Variants in RDX observed in about 807,000 individuals in gnomAD.
RDX encodes radixin, also known as deafness, autosomal recessive 24.
In RDX, 32 loss-of-function variants were observed where a neutral mutation model predicts 83.7. The observed-to-expected ratio is 0.38, with a 90% CI of 0.29 to 0.51. RDX has a LOEUF of 0.51. Among genes scored for constraint, RDX ranks in the 20% least tolerant of loss-of-function variants. The pLI, the probability that RDX is intolerant of heterozygous loss-of-function variation, is 0.87. For synonymous variants in RDX, 229 were observed against 222.7 expected (o/e 1.03, Z -0.25); for missense variants, 600 against 689.9 (o/e 0.87, Z 1.46).
chr11:110,202,125 C>T (rs1863432042), intron 14 of RDX, among the ~76,000 whole-genome samples: 1 of 152,038 alleles, frequency 6.6e-6, no homozygotes, highest in African/African-American at 2.4e-5. Flanking sequence ...CAGGCCATGG[C>T]TCACACCTGT....
intron 11 of RDX, 131 bp from the exon 12 acceptor site, chr11:110,236,322 TTTC>T: frequency 1.5e-6 from 1 of 683,318 alleles, no homozygotes; most frequent in East Asian, 2.8e-5. Context: ...AAATACAGTA[TTTC>T]TTAAGATCTT....
intron 5 of RDX, among the ~76,000 whole-genome samples, chr11:110,259,106 T>A (rs1422304568): frequency 6.6e-6 from 1 of 152,068 alleles, no homozygotes; most frequent in Non-Finnish European, 1.5e-5. Flanking sequence ...TGTGTGTTTT[T>A]TTGGTATTTT....
chr11:110,209,160 G>C (rs749350913), intron 14 of RDX, among the ~76,000 whole-genome samples: 1 of 152,162 alleles, frequency 6.6e-6, no homozygotes, highest in Non-Finnish European at 1.5e-5. Flanking sequence ...GCAGGGCGAG[G>C]CATTGCCTCA....
At chr11:110,292,226 G>A (rs1275147590) in intron 1 of RDX, among the ~76,000 whole-genome samples, 1 of 151,824 alleles carries the variant, frequency 6.6e-6, no homozygotes, top group African/African-American at 2.4e-5. Flanking sequence ...CCTGGAGGCA[G>A]AGGCTGTAGT....
chr11:110,186,103 G>T (rs1479620334), intron 15 of RDX, among the ~76,000 whole-genome samples: 1 of 152,224 alleles, frequency 6.6e-6, no homozygotes, highest in African/African-American at 2.4e-5. Flanking sequence ...AATAGAACTT[G>T]ACCAGGACTG....
intron 15 of RDX, among the ~76,000 whole-genome samples, chr11:110,198,165 A>G (rs891601644): frequency 2.6e-5 from 4 of 152,126 alleles, no homozygotes; most frequent in Non-Finnish European, 5.9e-5. Flanking sequence ...CTTTAGCTAG[A>G]AGGAGGTTTA....
downstream of RDX, among the ~76,000 whole-genome samples, chr11:110,224,539 A>G (rs926684986): frequency 5.3e-5 from 8 of 152,224 alleles, no homozygotes; most frequent in African/African-American, 1.9e-4. Flanking sequence ...GTACGAGAGC[A>G]TAAGACTTGG....
chr11:110,242,025 G>T (rs148311307), intron 10 of RDX, among the ~76,000 whole-genome samples: 1 of 152,142 alleles, frequency 6.6e-6, no homozygotes, highest in African/African-American at 2.4e-5. Flanking sequence ...TTGTGGGGAG[G>T]GGGGAAATGG....
At chr11:110,206,507 C>T (rs887058223) in intron 14 of RDX, among the ~76,000 whole-genome samples, 2 of 151,858 alleles carry the variant, frequency 1.3e-5, no homozygotes, top group Admixed American at 6.6e-5. Context: ...TAGATACAAA[C>T]ACAGATAGTA....
chr11:110,210,698 G>T (rs959750679), intron 14 of RDX, among the ~76,000 whole-genome samples: 9 of 151,538 alleles, frequency 5.9e-5, no homozygotes, highest in African/African-American at 2.2e-4. Context: ...CATTCTTAAA[G>T]AAAAGAATTT....
intron 12 of RDX, among the ~76,000 whole-genome samples, chr11:110,234,640 A>G (rs998641162): frequency 2.0e-5 from 3 of 152,198 alleles, no homozygotes; most frequent in Non-Finnish European, 4.4e-5. Context: ...CTAATTTTTT[A>G]AAGTTTATGT....
chr11:110,181,164 C>CTT lies in RDX; in HGVS notation c.*32-5932_*32-5931dup, dbSNP rs34297768. ...CACGCACACCAGCTCAGGGCTGCAT[C>CTT]TTTTTTTTTTTTTTTGAGACGGAGT... On this transcript the variant is annotated intron_variant, in intron 15 of 15. Transcript: ENST00000528498. Among the ~76,000 whole-genome samples the CTT allele has an allele frequency of 1.0e-3, 145 of 143,012 alleles. 1 individual carries two copies. The East Asian group carries it at 0.013, about 12-fold the overall frequency. The allele number at this position is 143,012 out of a possible 152,430, so 93.8% of individuals were successfully genotyped here.
In RDX at chr11:110,178,396, T is replaced by C. The variant is rs547381958; in HGVS notation, c.*32-3162A>G. On this transcript the variant is annotated intron_variant, in intron 15 of 15. Coordinates refer to the RDX transcript ENST00000528498. ...TGATCGATCCAGTTGCTAAGTTACA[T>C]GCCAAAGAAGAGTGTGGGGAGAGAA... is the stretch of plus-strand genomic sequence containing the variant. Among the ~76,000 whole-genome samples the C allele has an allele frequency of 1.1e-3, 172 of 152,300 alleles. 3 individuals carry two copies. The highest frequency in any genetic ancestry group is 6.3e-4 in the Non-Finnish European group (43 of 68,020).
In RDX at chr11:110,229,859, T is replaced by C. The variant is rs1864556776; in HGVS notation, c.*2010A>G. 1.3e-5 allele frequency: 2 copies of C among 152,494 alleles called. No homozygotes were observed. Among genetic ancestry groups the C allele is most frequent in the Non-Finnish European group, 2.9e-5 (2 of 67,948 alleles). The allele number at this position is 152,494 out of a possible 1,614,324, so 9.4% of individuals were successfully genotyped here. On this transcript the variant is annotated 3_prime_UTR_variant, in exon 14 of 14. Coordinates refer to ENST00000645495, the MANE Select transcript of RDX (RefSeq NM_002906.4). ...AACAAAAATCCAATGAAAGTTCAGG[T>C]TTTTATCTATTATGCAATTGCTTTA...
intron 1 of RDX, among the ~76,000 whole-genome samples, chr11:110,281,893 G>A (rs1249488532): frequency 1.4e-5 from 2 of 141,508 alleles, no homozygotes; most frequent in East Asian, 4.4e-4. Context: ...TTGAGCCCAG[G>A]AGTTTGAGAC....
At chr11:110,285,712 CAAAAAAAAA>C (rs35030078) in intron 1 of RDX, among the ~76,000 whole-genome samples, 2 of 78,406 alleles carry the variant, frequency 2.6e-5, no homozygotes, top group Non-Finnish European at 4.7e-5. Flanking sequence ...GACTTTGTCT[CAAAAAAAAA>C]AAAAAAAAAA....
intron 15 of RDX, among the ~76,000 whole-genome samples, chr11:110,184,518 C>T (rs1442843593): frequency 6.6e-6 from 1 of 152,178 alleles, no homozygotes; most frequent in Non-Finnish European, 1.5e-5. Flanking sequence ...GGTAGAGCCT[C>T]ACCTGCTCTG....
chr11:110,184,048 T>C (rs536418774), intron 15 of RDX, among the ~76,000 whole-genome samples: 17 of 152,250 alleles, frequency 1.1e-4, no homozygotes, highest in South Asian at 4.1e-4. Flanking sequence ...TCCCCAGACA[T>C]GTCCCCTGGA....
rs1864588926 is a variant in RDX, at chr11:110,230,579, TA to T, written c.*1289del. The stretch of plus-strand genomic sequence containing the variant: ...TTCTCTCTCTCATACACACACAGAG[TA>T]CACACACACACACACACACACACAC... On this transcript the variant is annotated 3_prime_UTR_variant, in exon 14 of 14. Transcript: ENST00000645495. 6.8e-6 allele frequency: 1 copy of T among 147,068 alleles called. No homozygotes were observed. Among genetic ancestry groups the T allele is most frequent in the Non-Finnish European group, 1.5e-5 (1 of 66,404 alleles). The allele number at this position is 147,068 out of a possible 1,614,324, so 9.1% of individuals were successfully genotyped here. A position where few individuals can be genotyped will look rare whatever the true frequency, so the allele number is the denominator to read the frequency against.
Sources: allele counts gnomAD v4.1 joint callset (sites outside exome capture counted in the v4.1 genomes callset), GRCh38; gene constraint gnomAD v4.1.1; transcripts MANE v1.5; gene names NCBI Gene and HGNC (gene_info 2026-07-23, HGNC 2026-07-21).